Variants in HAVCR1 observed in about 807,000 individuals in gnomAD.
HAVCR1 encodes the protein T cell immunoglobin domain and mucin domain protein 1.
A neutral mutation model predicts 32.0 loss-of-function variants in HAVCR1; 34 were observed. The ratio of observed to expected loss-of-function variants is 1.06; its 90% CI spans 0.81 to 1.42. The LOEUF (loss-of-function observed/expected upper bound fraction) is 1.42. HAVCR1 is among the 40% of genes most tolerant of loss of function. The pLI is 0.00. For missense variants in HAVCR1, 420 were observed against 442.3 expected, an observed-to-expected ratio of 0.95 and a Z score of 0.45; for synonymous variants, 178 against 170.3, an observed-to-expected ratio of 1.05 and a Z score of -0.35.
chr5:157,035,662 C>T (rs1226581509), intron 7 of HAVCR1, among the ~76,000 whole-genome samples: 1 of 151,908 alleles, frequency 6.6e-6, no homozygotes, highest in African/African-American at 2.4e-5. Context: ...GAAAATAAAT[C>T]TTATATATCA....
chr5:157,066,554 T>TA, the HAVCR1 span, among the ~76,000 whole-genome samples: 3 of 62,022 alleles, frequency 4.8e-5, no homozygotes, highest in South Asian at 2.8e-3. Context: ...AAATCCTGGG[T>TA]GTTTTTTTTT....
the HAVCR1 span, among the ~76,000 whole-genome samples, chr5:157,064,518 A>T: frequency 2.0e-5 from 3 of 152,248 alleles, no homozygotes; most frequent in Non-Finnish European, 2.9e-5. Flanking sequence ...GATGACTCCA[A>T]GGATTTCGGC....
At chr5:157,065,280 C>T in the HAVCR1 span, among the ~76,000 whole-genome samples, 1 of 150,104 alleles carries the variant, frequency 6.7e-6, no homozygotes, top group Non-Finnish European at 1.5e-5. Context: ...GATCGCGCCA[C>T]TGCGCGACAG....
intron 5 of HAVCR1, among the ~76,000 whole-genome samples, chr5:157,044,623 A>AAGAAAGAAAGAAAG (rs1561591236): frequency 5.6e-4 from 30 of 53,300 alleles, no homozygotes; most frequent in Middle Eastern, 8.6e-3. Flanking sequence ...AAGAGAAAGA[A>AAGAAAGAAAGAAAG]AGAAAGAAAG....
Position 157,041,781 on chromosome 5 carries a change from G to A in HAVCR1, c.837+846C>T, listed in dbSNP as rs1027879609. ...TCCTTAAATTAGCTCATTCGGGCCC[G>A]GGCGCGGTGGCTCACGCCTGTAATC... On this transcript the variant is annotated intron_variant, in intron 6 of 8. Coordinates refer to ENST00000523175, the MANE Select transcript of HAVCR1 (RefSeq NM_001173393.3). Among the ~76,000 whole-genome samples, 6 of 152,054 alleles carry A rather than the reference G, an allele frequency of 3.9e-5. No individual in the cohort carries two copies. The South Asian group carries it at 6.2e-4, about 16-fold the overall frequency.
At chr5:157,045,659 C>T (rs1755351089) in intron 5 of HAVCR1, among the ~76,000 whole-genome samples, 1 of 152,134 alleles carries the variant, frequency 6.6e-6, no homozygotes, top group Non-Finnish European at 1.5e-5. Context: ...ATAATATATC[C>T]ATTTCCTGGC....
Position 157,055,251 on chromosome 5 carries a change from C to A in HAVCR1, c.329G>T (p.Arg110Leu). The A allele has an allele frequency of 6.2e-7, 1 of 1,609,032 alleles. No individual in the cohort carries two copies. Among genetic ancestry groups the A allele is most frequent in the Non-Finnish European group, 8.5e-7 (1 of 1,176,034 alleles). The change falls in exon 3 of 9, where the codon CGT becomes CTT. Residue 110 changes from arginine (R) to leucine (L), a missense_variant. Coordinates refer to ENST00000523175, the MANE Select transcript of HAVCR1 (RefSeq NM_001173393.3). ...SGVYCCRVEH[R>L]GWFNDMKITV... ...GATTTTCATGTCATTGAACCACCCA[C>A]GGTGCTCAACACGGCAACAATATAC...
At chr5:157,044,368 CGAAG>C (rs573183336) in intron 5 of HAVCR1, among the ~76,000 whole-genome samples, 353 of 31,296 alleles carry the variant, frequency 0.011, 20 homozygotes, top group African/African-American at 0.03. Context: ...AAAGAAAGGA[CGAAG>C]GAAGGAAGGA....
chr5:157,064,858 AC>A, the HAVCR1 span, among the ~76,000 whole-genome samples: 1 of 151,930 alleles, frequency 6.6e-6, no homozygotes, highest in African/African-American at 2.4e-5. Context: ...ACAGAGCAAG[AC>A]TCCATCTCAA....
intron 7 of HAVCR1, among the ~76,000 whole-genome samples, chr5:157,035,790 A>C (rs1754489791): frequency 1.3e-5 from 2 of 152,106 alleles, no homozygotes; most frequent in Non-Finnish European, 2.9e-5. Flanking sequence ...CGCAAATTGA[A>C]AATTAAAAAA....
chr5:157,047,957 C>T (rs938679958), intron 5 of HAVCR1, among the ~76,000 whole-genome samples: 2 of 152,154 alleles, frequency 1.3e-5, no homozygotes, highest in Non-Finnish European at 2.9e-5. Flanking sequence ...GAATTAAAGA[C>T]ACAGCCGGTG....
At chr5:157,034,375 G>A (rs1307168199) in intron 7 of HAVCR1, among the ~76,000 whole-genome samples, 4 of 151,958 alleles carry the variant, frequency 2.6e-5, no homozygotes, top group African/African-American at 9.7e-5. Context: ...GTGCAGTAAA[G>A]AGCAGTATTG....
At position 157,039,497 on chromosome 5, in the gene HAVCR1, C is replaced by T. The variant is rs548388932; in HGVS notation, c.838-2136G>A. 3.9e-4 allele frequency among the ~76,000 whole-genome samples: 59 copies of T among 152,128 alleles called. 1 individual carries two copies. The highest frequency in any genetic ancestry group is 1.2e-3 in the African/African-American group (51 of 41,510). On this transcript the variant is annotated intron_variant, in intron 6 of 8. Transcript: ENST00000523175. ...CCAAGTAGCTGGGATTACAGGCACC[C>T]GCCACCACACCCAGCTAATTTTTCT...
At chr5:157,044,665 GAAAGAAAGAAA>G (rs1755250367) in intron 5 of HAVCR1, among the ~76,000 whole-genome samples, 1 of 142,910 alleles carries the variant, frequency 7.0e-6, no homozygotes, top group East Asian at 2.4e-4. Flanking sequence ...AAGAAAGAAA[GAAAGAAAGAAA>G]GGAGGGAGGG....
upstream of HAVCR1, among the ~76,000 whole-genome samples, chr5:157,060,505 T>A (rs4704842): frequency 2.0e-5 from 3 of 152,034 alleles, no homozygotes; most frequent in African/African-American, 7.2e-5. Context: ...GGTCCTTCAA[T>A]CTAAAGTAGC....
intron 7 of HAVCR1, among the ~76,000 whole-genome samples, chr5:157,035,505 T>G (rs1754472712): frequency 6.6e-6 from 1 of 152,230 alleles, no homozygotes; most frequent in African/African-American, 2.4e-5. Context: ...GGTTGCTTTT[T>G]GAAGACTTTT....
chr5:157,035,943 T>C (rs1169547238), intron 7 of HAVCR1, among the ~76,000 whole-genome samples: 4 of 152,210 alleles, frequency 2.6e-5, no homozygotes, highest in African/African-American at 4.8e-5. Flanking sequence ...GTGAGTAGGC[T>C]ATGTGCAAAT....
chr5:157,049,094 A>G lies in HAVCR1; in HGVS notation c.725T>C (p.Leu242Pro). The change falls in exon 5 of 9, where the codon CTG becomes CCG. Residue 242 changes from leucine (L) to proline (P), a missense_variant. Coordinates refer to ENST00000523175, the MANE Select transcript of HAVCR1 (RefSeq NM_001173393.3). ...GGGTTCTCTCCTTATTGCTCCCTGC[A>G]GTGTCGTAGGGTGGGTTTCTGCTGG... The part of the protein sequence containing the change: ...PQPAETHPTT[L>P]QGAIRREPTS... 1 of 1,613,088 alleles carries G rather than the reference A, an allele frequency of 6.2e-7. No homozygotes were observed. Among genetic ancestry groups the G allele is most frequent in the Non-Finnish European group, 8.5e-7 (1 of 1,179,126 alleles).
At chr5:157,034,061 GAGAAA>G (rs1331629920) in intron 7 of HAVCR1, among the ~76,000 whole-genome samples, 2 of 152,178 alleles carry the variant, frequency 1.3e-5, no homozygotes, top group Non-Finnish European at 2.9e-5. Context: ...ACAAGAGACT[GAGAAA>G]AGAAATAAGA....
Sources: allele counts gnomAD v4.1 joint callset (sites outside exome capture counted in the v4.1 genomes callset), GRCh38; gene constraint gnomAD v4.1.1; transcripts MANE v1.5; gene names NCBI Gene and HGNC (gene_info 2026-07-23, HGNC 2026-07-21).